The following TEKT3 variants were observed in gnomAD, a reference collection of about 807,000 sequenced individuals.
TEKT3 encodes the protein tektin-3.
Under a neutral mutation model 49.8 loss-of-function variants are expected in TEKT3, and 49 were observed. The observed-to-expected ratio is 0.98, with a 90% CI of 0.78 to 1.25. The LOEUF is 1.25. Among genes scored for constraint, TEKT3 ranks in the 50% most tolerant of loss-of-function variants. The pLI is 0.00. For missense variants in TEKT3, 595 were observed against 629.5 expected (o/e 0.95, Z 0.59); for synonymous variants, 225 against 237.2 (o/e 0.95, Z 0.47).
intron 4 of TEKT3, among the ~76,000 whole-genome samples, chr17:15,326,154 A>T (rs1241043853): frequency 6.6e-6 from 1 of 152,204 alleles, no homozygotes. Flanking sequence ...GTGATGTTAA[A>T]GCAGGGTGTT....
rs775898810 is a variant in TEKT3 at position 15,331,125 on chromosome 17, C to A, written c.461G>T (p.Gly154Val). 20 of 1,614,146 alleles carry A rather than the reference C, an allele frequency of 1.2e-5. No homozygotes were observed. The highest frequency in any genetic ancestry group is 3.3e-4 in the Middle Eastern group (2 of 6,062). The change falls in exon 3 of 9, where the codon GGG (glycine) becomes GTG (valine). Residue 154 changes from glycine (G) to valine (V), a missense_variant. By Grantham distance (109) the Gly-to-Val change is moderately radical. Coordinates refer to ENST00000395930, the MANE Select transcript of TEKT3 (RefSeq NM_031898.3). ...QNLGERVNDI[G>V]FWKSEIIHEL... ...ATGAATGATTTCAGATTTCCAAAACCCTATGTCATTGACACGTTCTCCCAG... is the reference window on the plus strand; with the variant it reads ...ATGAATGATTTCAGATTTCCAAAACACTATGTCATTGACACGTTCTCCCAG...
chr17:15,304,016 A>G lies in TEKT3; in HGVS notation c.1393T>C (p.Ser465Pro). The change falls in exon 9 of 9, where the codon TCC becomes CCC. Residue 465 changes from serine (S) to proline (P), a missense_variant. By Grantham distance (74) the Ser-to-Pro change is moderately conservative (BLOSUM62 -1). Coordinates refer to ENST00000395930, the MANE Select transcript of TEKT3 (RefSeq NM_031898.3). This position sits in a 1 kb window ranked among gnomAD's most constrained non-coding sequence, Gnocchi z 4.7. The stretch of plus-strand genomic sequence containing the variant: ...CATTTTTCCTGGTCGATGTACAGGG[A>G]ATTGGCTTTGACAGCCAGGTCATAC... Reference protein sequence around the residue: ...LEYDLAVKANSLYIDQEKCMS... With the variant: ...LEYDLAVKANPLYIDQEKCMS... 1 of 1,614,108 alleles carries G rather than the reference A, an allele frequency of 6.2e-7. No homozygotes were observed. Among genetic ancestry groups the G allele is most frequent in the Non-Finnish European group, 8.5e-7 (1 of 1,180,018 alleles).
intron 3 of TEKT3, among the ~76,000 whole-genome samples, chr17:15,330,706 C>T (rs562971428): frequency 1.3e-5 from 2 of 152,188 alleles, no homozygotes; most frequent in South Asian, 2.1e-4. Context: ...GTGAGAATGG[C>T]GGAATACAGA....
chr17:15,305,226 T>G lies in TEKT3; in HGVS notation c.1257-1074A>C, dbSNP rs551822271. On this transcript the variant is annotated intron_variant, in intron 8 of 8. Transcript: ENST00000395930. Reference sequence around the variant, plus strand: ...CCTGGAGCATTCGCTTCCAAGCCACTTGTAGGTGGCCTAAGAAGAGGAAGG... The same window carrying G: ...CCTGGAGCATTCGCTTCCAAGCCACGTGTAGGTGGCCTAAGAAGAGGAAGG... 3.3e-5 allele frequency among the ~76,000 whole-genome samples: 5 copies of G among 152,276 alleles called. No individual in the cohort carries two copies. In the East Asian group the frequency reaches 9.7e-4, roughly 29 times the overall value.
At chr17:15,317,118 TC>T (rs1432118484) in intron 5 of TEKT3, among the ~76,000 whole-genome samples, 3 of 151,966 alleles carry the variant, frequency 2.0e-5, no homozygotes, top group Non-Finnish European at 2.9e-5. Context: ...GGAGAAGCCA[TC>T]CCGGGAAGTG....
intron 2 of TEKT3, among the ~76,000 whole-genome samples, chr17:15,336,586 C>A (rs1467451650): frequency 1.3e-4 from 19 of 151,796 alleles, no homozygotes; most frequent in Non-Finnish European, 4.4e-5. Flanking sequence ...TTCTAACTTT[C>A]AAATTTCTTT....
At chr17:15,315,488 C>A (rs1247320859) in intron 5 of TEKT3, among the ~76,000 whole-genome samples, 1 of 151,114 alleles carries the variant, frequency 6.6e-6, no homozygotes, top group Non-Finnish European at 1.5e-5. Context: ...CGGCTTGGAC[C>A]AAGAGGATGA....
intron 5 of TEKT3, among the ~76,000 whole-genome samples, chr17:15,317,806 T>C (rs542074959): frequency 6.6e-6 from 1 of 151,450 alleles, no homozygotes; most frequent in Non-Finnish European, 1.5e-5. Context: ...CCCTCCTAAC[T>C]CCTCATCCCA....
chr17:15,307,486 C>T (rs1299278784), intron 8 of TEKT3, among the ~76,000 whole-genome samples: 1 of 152,188 alleles, frequency 6.6e-6, no homozygotes, highest in Non-Finnish European at 1.5e-5. Context: ...TGCCCAGCAT[C>T]GAGTCAGGTT....
Position 15,331,271 on chromosome 17 carries a change from G to A in TEKT3, c.315C>T (p.Thr105=), listed in dbSNP as rs748808156. 18 of 1,614,168 alleles carry A rather than the reference G, an allele frequency of 1.1e-5. No homozygotes were observed. Among genetic ancestry groups the A allele is most frequent in the Non-Finnish European group, 1.4e-5 (17 of 1,180,034 alleles). The change falls in exon 3 of 9, where the codon ACC becomes ACT. Residue 105 remains threonine, a synonymous_variant. Coordinates refer to ENST00000395930, the MANE Select transcript of TEKT3 (RefSeq NM_031898.3). The part of the protein sequence containing the change: ...TPDDWYRSNL[T]NYQESNTSRH... ...GGGAAGTGTTGGACTCTTGATAGTTGGTTAAATTGGACCTGTACCAGTCAT... is the reference window on the plus strand; with the variant it reads ...GGGAAGTGTTGGACTCTTGATAGTTAGTTAAATTGGACCTGTACCAGTCAT...
chr17:15,334,706 G>A (rs780881287), intron 2 of TEKT3, among the ~76,000 whole-genome samples: 24 of 152,124 alleles, frequency 1.6e-4, no homozygotes, highest in Non-Finnish European at 2.6e-4. Flanking sequence ...CCTCATGTAC[G>A]GCAGTCAGTT....
At chr17:15,322,549 T>C (rs1263007085) in intron 4 of TEKT3, among the ~76,000 whole-genome samples, 1 of 152,212 alleles carries the variant, frequency 6.6e-6, no homozygotes, top group African/African-American at 2.4e-5. Context: ...CAGCCACAAA[T>C]GTGGATGAGT....
chr17:15,331,642 A>G, intron 2 of TEKT3, 28 bp from the exon 3 acceptor site: 1 of 1,482,818 alleles, frequency 6.7e-7, no homozygotes, highest in Non-Finnish European at 9.1e-7. Flanking sequence ...GTAAAATAAG[A>G]CAGTCACATA....
intron 2 of TEKT3, among the ~76,000 whole-genome samples, chr17:15,333,052 C>G (rs1455857693): frequency 7.2e-6 from 1 of 139,414 alleles, no homozygotes. Flanking sequence ...AGTATATTTT[C>G]TGGGCCACTC....
At chr17:15,312,986 C>A (rs1305361279) in intron 6 of TEKT3, among the ~76,000 whole-genome samples, 1 of 152,180 alleles carries the variant, frequency 6.6e-6, no homozygotes, top group Non-Finnish European at 1.5e-5. Flanking sequence ...AGAGGCAACA[C>A]AAACCAACAG....
At chr17:15,323,787 T>G (rs1181564746) in intron 4 of TEKT3, among the ~76,000 whole-genome samples, 1 of 152,192 alleles carries the variant, frequency 6.6e-6, no homozygotes, top group Non-Finnish European at 1.5e-5. Flanking sequence ...CCTCAATTCA[T>G]GAACCATTAC....
chr17:15,314,237 T>C lies in TEKT3; in HGVS notation c.735-7A>G. 6.2e-7 allele frequency: 1 copy of C among 1,614,132 alleles called. No homozygotes were observed. ...CTGGGACGCTCTGTTGGCTCTGCAA[T>C]ACAGAGTCGGGAAGTGGAGCTTCAC... is the stretch of plus-strand genomic sequence containing the variant. On this transcript the variant is annotated splice_polypyrimidine_tract_variant and splice_region_variant and intron_variant, in intron 5 of 8. Transcript: ENST00000395930.
intron 4 of TEKT3, among the ~76,000 whole-genome samples, chr17:15,323,901 G>C (rs529194844): frequency 6.6e-6 from 1 of 152,322 alleles, no homozygotes; most frequent in East Asian, 1.9e-4. Context: ...CTCTAATGCA[G>C]TGGTTCTTGT....
At chr17:15,313,203 G>C (rs546355954) in intron 6 of TEKT3, among the ~76,000 whole-genome samples, 3 of 152,296 alleles carry the variant, frequency 2.0e-5, no homozygotes, top group Non-Finnish European at 4.4e-5. Flanking sequence ...CCATATACCA[G>C]GCAAATTCAT....
Sources: allele counts gnomAD v4.1 joint callset (sites outside exome capture counted in the v4.1 genomes callset), GRCh38; gene constraint gnomAD v4.1.1; non-coding constraint Gnocchi (gnomAD v3.1); transcripts MANE v1.5; gene names NCBI Gene and HGNC (gene_info 2026-07-23, HGNC 2026-07-21).